RFTN2: variants seen among roughly 807,000 people sequenced by gnomAD.
RFTN2 encodes the protein raftlin-2.
A neutral mutation model predicts 52.7 loss-of-function variants in RFTN2; 34 were observed. The observed-to-expected ratio is 0.64, with a 90% confidence interval of 0.49 to 0.86. RFTN2 has a LOEUF of 0.86. Among genes scored for constraint, RFTN2 ranks in the 40% least tolerant of loss-of-function variants. The probability of loss-of-function intolerance (pLI) is 0.00; values close to 1 mark genes in which losing one functional copy is unlikely to be tolerated. For synonymous variants in RFTN2, 203 were observed against 217.7 expected, an observed-to-expected ratio of 0.93 and a Z score of 0.59; for missense variants, 536 against 600.1, an observed-to-expected ratio of 0.89 and a Z score of 1.12.
At chr2:197,614,062 C>A (rs1420191741) in intron 7 of RFTN2, among the ~76,000 whole-genome samples, 1 of 152,058 alleles carries the variant, frequency 6.6e-6, no homozygotes, top group Non-Finnish European at 1.5e-5. Context: ...ACTAAGACAC[C>A]TCATCTAGCC....
chr2:197,636,334 T>C, intron 3 of RFTN2, among the ~76,000 whole-genome samples: 1 of 131,990 alleles, frequency 7.6e-6, no homozygotes, highest in African/African-American at 3.0e-5. Flanking sequence ...TTGGGCAGTA[T>C]GGCCATTTTC....
At chr2:197,580,147 T>C (rs114751842) in intron 8 of RFTN2, among the ~76,000 whole-genome samples, 6,117 of 152,204 alleles carry the variant, frequency 0.04, 179 homozygotes, top group Non-Finnish European at 0.059. Context: ...ATGCATTTTA[T>C]TACCCGATCC....
chr2:197,646,429 TAGACAA>T, intron 2 of RFTN2, 48 bp downstream of exon 2: 1 of 1,456,250 alleles, frequency 6.9e-7, no homozygotes, highest in Non-Finnish European at 9.3e-7. Context: ...TTTTTTCTTT[TAGACAA>T]AGAGAACTGT....
chr2:197,668,727 G>A (rs1010309167), intron 1 of RFTN2, among the ~76,000 whole-genome samples: 6 of 152,108 alleles, frequency 3.9e-5, no homozygotes, highest in Admixed American at 3.9e-4. Context: ...TTAGGGATGG[G>A]GCTCTAAAAT....
intron 8 of RFTN2, among the ~76,000 whole-genome samples, chr2:197,577,377 T>C (rs1330706009): frequency 6.6e-6 from 1 of 152,272 alleles, no homozygotes; most frequent in Non-Finnish European, 1.5e-5. Flanking sequence ...AGTTTGGTGG[T>C]TGTCACGTTT....
intron 7 of RFTN2, among the ~76,000 whole-genome samples, chr2:197,607,894 G>A (rs1308915933): frequency 1.3e-5 from 2 of 152,114 alleles, no homozygotes; most frequent in East Asian, 1.9e-4. Context: ...GAGAAAGAGC[G>A]ATGGTAACTG....
chr2:197,614,855 G>T (rs183590514), intron 7 of RFTN2, among the ~76,000 whole-genome samples: 86 of 152,308 alleles, frequency 5.6e-4, no homozygotes, highest in African/African-American at 2.0e-3. Context: ...AGTACAAAAG[G>T]CTGGGAAATC....
chr2:197,598,492 T>C (rs909892949), intron 7 of RFTN2, among the ~76,000 whole-genome samples: 2 of 152,134 alleles, frequency 1.3e-5, no homozygotes, highest in African/African-American at 2.4e-5. Flanking sequence ...AGGGTAGAAT[T>C]ATTCTTCTTG....
At position 197,572,049 on chromosome 2, in the gene RFTN2, A is replaced by T. The variant is rs747837435; in HGVS notation, c.1465T>A (p.Phe489Ile). ...NVLRELDDGQ[F>I]DQEDGVTQVT... Reference sequence around the variant, plus strand: ...TGAGTCACTCCATCTTCCTGATCAAACTGTCCGTCGTCTAATTCCCGGAGG... The same window carrying T: ...TGAGTCACTCCATCTTCCTGATCAATCTGTCCGTCGTCTAATTCCCGGAGG... The change falls in exon 9 of 9, where the codon TTT (phenylalanine) becomes ATT (isoleucine). Residue 489 changes from phenylalanine to isoleucine, a missense_variant. Phe to Ile is a conservative substitution (Grantham distance 21). Transcript: ENST00000295049. 1.2e-6 allele frequency: 2 copies of T among 1,614,212 alleles called. No homozygotes were observed. Among genetic ancestry groups the T allele is most frequent in the Admixed American group, 1.7e-5 (1 of 60,022 alleles).
intron 7 of RFTN2, 97 bp downstream of exon 7, chr2:197,615,779 G>C: frequency 1.5e-6 from 1 of 665,570 alleles, no homozygotes; most frequent in African/African-American, 1.8e-5. Context: ...AATGTTTTCT[G>C]TAGGCATTAA....
chr2:197,653,501 C>T (rs1574744940), intron 1 of RFTN2, among the ~76,000 whole-genome samples: 1 of 150,544 alleles, frequency 6.6e-6, no homozygotes, highest in African/African-American at 2.5e-5. Context: ...TGTGGCAGGG[C>T]AGAGTGAGAC....
chr2:197,577,367 A>T (rs2087435822), intron 8 of RFTN2, among the ~76,000 whole-genome samples: 1 of 152,228 alleles, frequency 6.6e-6, no homozygotes, highest in Admixed American at 6.5e-5. Context: ...AGTTAGACAC[A>T]GTTTGGTGGT....
At chr2:197,660,117 C>T (rs761779346) in intron 1 of RFTN2, among the ~76,000 whole-genome samples, 39 of 152,212 alleles carry the variant, frequency 2.6e-4, no homozygotes, top group Non-Finnish European at 5.3e-4. Flanking sequence ...TGAACCCAGA[C>T]AGAGTGAGTC....
intron 7 of RFTN2, among the ~76,000 whole-genome samples, chr2:197,607,330 T>C (rs1331646128): frequency 1.3e-5 from 2 of 151,638 alleles, no homozygotes; most frequent in Non-Finnish European, 2.9e-5. Context: ...GGGACAGTTG[T>C]GGGGTGGAGG....
rs571081773 is a variant in RFTN2, at chr2:197,602,786, C to T, written c.1155-6717G>A. Among the ~76,000 whole-genome samples, 37 of 152,188 alleles carry T rather than the reference C, an allele frequency of 2.4e-4. 1 individual carries two copies. The South Asian group carries it at 3.3e-3, about 14-fold the overall frequency. ...GACACATGCACACGTATGTTTATCG[C>T]GGCACTATTCACAATAGCAAAGACT... On this transcript the variant is annotated intron_variant, in intron 7 of 8. Transcript: ENST00000295049.
At chr2:197,674,157 T>A (rs183143412) in intron 1 of RFTN2, among the ~76,000 whole-genome samples, 125 of 152,108 alleles carry the variant, frequency 8.2e-4, no homozygotes, top group African/African-American at 2.9e-3. Flanking sequence ...AGAATATTAA[T>A]TTTTTTCTTT....
At chr2:197,576,563 A>G (rs2087423308) in intron 8 of RFTN2, among the ~76,000 whole-genome samples, 1 of 152,202 alleles carries the variant, frequency 6.6e-6, no homozygotes, top group Non-Finnish European at 1.5e-5. Flanking sequence ...AATTGTAGAA[A>G]TCAGATACCC....
intron 2 of RFTN2, among the ~76,000 whole-genome samples, chr2:197,645,254 A>G (rs1189951039): frequency 6.6e-6 from 1 of 152,186 alleles, no homozygotes; most frequent in East Asian, 1.9e-4. Context: ...TTATTGTGAT[A>G]CCATTGCCTA....
chr2:197,643,590 A>T (rs1205716852), intron 3 of RFTN2, among the ~76,000 whole-genome samples: 1 of 152,176 alleles, frequency 6.6e-6, no homozygotes, highest in Non-Finnish European at 1.5e-5. Context: ...TTAAGACGGC[A>T]TATTACTTTC....
Sources: allele counts gnomAD v4.1 joint callset (sites outside exome capture counted in the v4.1 genomes callset), GRCh38; gene constraint gnomAD v4.1.1; transcripts MANE v1.5; gene names NCBI Gene and HGNC (gene_info 2026-07-23, HGNC 2026-07-21).